Variants in EXOC5 observed in about 807,000 individuals in gnomAD.
The protein encoded by EXOC5 is exocyst complex component 5.
A neutral mutation model predicts 90.8 loss-of-function variants in EXOC5; 17 were observed. That is an observed-to-expected ratio of 0.19 (90% confidence interval 0.13 to 0.28). The LOEUF (loss-of-function observed/expected upper bound fraction) is 0.28, where lower values mean the gene tolerates loss of function less well. Ranked by LOEUF, EXOC5 falls within the 10% of genes least tolerant of loss-of-function variation. The pLI is 1.00. For missense variants in EXOC5, 569 were observed against 830.6 expected, an observed-to-expected ratio of 0.69 and a Z score of 3.87; for synonymous variants, 260 against 270.0, an observed-to-expected ratio of 0.96 and a Z score of 0.36.
At chr14:57,262,579 T>TAC (rs1491159364) in intron 1 of EXOC5, among the ~76,000 whole-genome samples, 20 of 147,328 alleles carry the variant, frequency 1.4e-4, no homozygotes, top group African/African-American at 5.0e-4. Context: ...TATATATACG[T>TAC]ATATATATAC....
At position 57,268,750 on chromosome 14, in the gene EXOC5, C is replaced by A; in HGVS notation, c.-102G>T. Reference sequence around the variant, plus strand: ...CAGGTCTCCGCTCGGCTCGCCAGCTCCGGCTCCGGGCCGCTGCGGGCTCCC... The same window carrying A: ...CAGGTCTCCGCTCGGCTCGCCAGCTACGGCTCCGGGCCGCTGCGGGCTCCC... On this transcript the variant is annotated 5_prime_UTR_variant, in exon 1 of 18. The change creates a premature stop within an existing upstream ORF in the 5' untranslated region. Transcript: ENST00000621441. The A allele has an allele frequency of 6.8e-7, 1 of 1,479,808 alleles. No individual in the cohort carries two copies. Among genetic ancestry groups the A allele is most frequent in the South Asian group, 1.3e-5 (1 of 77,050 alleles). 91.7% of individuals were successfully genotyped at this position (1,479,808 alleles called of 1,614,324 possible). A position where few individuals can be genotyped will look rare whatever the true frequency, so the allele number is the denominator to read the frequency against.
At position 57,202,380 on chromosome 14, in the gene EXOC5, A is replaced by G. The variant is rs1226383565; in HGVS notation, c.*6229T>C. On this transcript the variant is annotated 3_prime_UTR_variant, in exon 18 of 18. Coordinates refer to ENST00000621441, the MANE Select transcript of EXOC5 (RefSeq NM_006544.4). ...AGATAGTAGTAATATGTCAATGTTA[A>G]CTTCCCAATTTTCATGTATTGTAGT... The G allele has an allele frequency of 3.9e-5, 6 of 152,190 alleles. No homozygotes were observed. The highest frequency in any genetic ancestry group is 3.9e-4 in the Admixed American group (6 of 15,282). The allele number at this position is 152,190 out of a possible 1,614,324, so 9.4% of individuals were successfully genotyped here. A position where few individuals can be genotyped will look rare whatever the true frequency, so the allele number is the denominator to read the frequency against.
rs1180488587 is a variant in EXOC5, at chr14:57,200,571, T to C, written c.*8038A>G. 1 of 152,090 alleles carries C rather than the reference T, an allele frequency of 6.6e-6. No homozygotes were observed. Among genetic ancestry groups the C allele is most frequent in the Non-Finnish European group, 1.5e-5 (1 of 68,018 alleles). The allele number at this position is 152,090 out of a possible 1,614,324, so 9.4% of individuals were successfully genotyped here. ...TGGTATTCAGTGCTTAATGGTCAGG[T>C]TTCCATTCATACAGTTTCTCTGATG... On this transcript the variant is annotated 3_prime_UTR_variant, in exon 18 of 18. Coordinates refer to ENST00000621441, the MANE Select transcript of EXOC5 (RefSeq NM_006544.4).
At position 57,200,773 on chromosome 14, in the gene EXOC5, A is replaced by C. The variant is rs1007315191; in HGVS notation, c.*7836T>G. On this transcript the variant is annotated 3_prime_UTR_variant, in exon 18 of 18. Coordinates refer to ENST00000621441, the MANE Select transcript of EXOC5 (RefSeq NM_006544.4). ...TCACTACATTAAAAAAAAAAAAAAA[A>C]AACTTCCACCAAAAATATAGTTGTT... 6.6e-5 allele frequency: 10 copies of C among 151,840 alleles called. No individual in the cohort carries two copies. Among genetic ancestry groups the C allele is most frequent in the Non-Finnish European group, 1.2e-4 (8 of 67,990 alleles). The allele number at this position is 151,840 out of a possible 1,614,324, so 9.4% of individuals were successfully genotyped here. A position where few individuals can be genotyped will look rare whatever the true frequency, so the allele number is the denominator to read the frequency against.
intron 4 of EXOC5, among the ~76,000 whole-genome samples, chr14:57,241,989 C>G (rs1187916653): frequency 6.6e-6 from 1 of 151,470 alleles, no homozygotes; most frequent in Non-Finnish European, 1.5e-5. Context: ...AAAAATTAGC[C>G]GGGTATGGTG....
rs1882591888 is a variant in EXOC5 at position 57,204,533 on chromosome 14, T to C, written c.*4076A>G. The stretch of plus-strand genomic sequence containing the variant: ...TAACACAATTGGCAAGCCTATGACA[T>C]TTAAAATAGTTTTTGAACATAAAAA... On this transcript the variant is annotated 3_prime_UTR_variant, in exon 18 of 18. Coordinates refer to ENST00000621441, the MANE Select transcript of EXOC5 (RefSeq NM_006544.4). The C allele has an allele frequency of 1.3e-5, 2 of 152,456 alleles. No individual in the cohort carries two copies. Among genetic ancestry groups the C allele is most frequent in the African/African-American group, 2.4e-5 (1 of 41,460 alleles). The allele number at this position is 152,456 out of a possible 1,614,324, so 9.4% of individuals were successfully genotyped here.
intron 12 of EXOC5, among the ~76,000 whole-genome samples, chr14:57,225,742 G>A (rs1412381952): frequency 1.3e-5 from 2 of 152,170 alleles, no homozygotes; most frequent in Non-Finnish European, 2.9e-5. Context: ...AGGAGGTCCC[G>A]CCAACACATG....
At chr14:57,233,626 T>C (rs953580398) in intron 9 of EXOC5, 117 bp downstream of exon 9, 1 of 634,068 alleles carries the variant, frequency 1.6e-6, no homozygotes, top group African/African-American at 1.8e-5. Context: ...CTTAACTAGA[T>C]TACTATTTCT....
chr14:57,215,027 C>T (rs755439542), intron 15 of EXOC5, among the ~76,000 whole-genome samples: 14 of 152,010 alleles, frequency 9.2e-5, no homozygotes, highest in Non-Finnish European at 2.1e-4. Context: ...GTCAGGAGTT[C>T]AAGACCAGTC....
rs1430079252 is a variant in EXOC5 at position 57,203,873 on chromosome 14, T to C, written c.*4736A>G. The C allele has an allele frequency of 1.3e-5, 2 of 152,642 alleles. No individual in the cohort carries two copies. The highest frequency in any genetic ancestry group is 2.9e-5 in the Non-Finnish European group (2 of 68,024). 9.5% of individuals were successfully genotyped at this position (152,642 alleles called of 1,614,324 possible). ...AAAATACATGTTATCAGCAGCATGATGTTGACCATGTTCTAATCCATTCCA... is the reference window on the plus strand; with the variant it reads ...AAAATACATGTTATCAGCAGCATGACGTTGACCATGTTCTAATCCATTCCA... On this transcript the variant is annotated 3_prime_UTR_variant, in exon 18 of 18. Coordinates refer to ENST00000621441, the MANE Select transcript of EXOC5 (RefSeq NM_006544.4).
chr14:57,217,213 T>C (rs1883001424), intron 15 of EXOC5, among the ~76,000 whole-genome samples: 2 of 152,140 alleles, frequency 1.3e-5, no homozygotes, highest in Non-Finnish European at 2.9e-5. Context: ...CTCAAAAACT[T>C]AAAAACAGAG....
At position 57,203,497 on chromosome 14, in the gene EXOC5, C is replaced by G. The variant is rs1426694867; in HGVS notation, c.*5112G>C. 6.6e-6 allele frequency: 1 copy of G among 152,588 alleles called. No individual in the cohort carries two copies. Among genetic ancestry groups the G allele is most frequent in the East Asian group, 1.9e-4 (1 of 5,194 alleles). 9.5% of individuals were successfully genotyped at this position (152,588 alleles called of 1,614,324 possible). ...AAAGATAACTGGAAGGGATACGACA[C>G]TTTCTTCATTTAAGATTCCCAGTGG... On this transcript the variant is annotated 3_prime_UTR_variant, in exon 18 of 18. Transcript: ENST00000621441.
chr14:57,210,138 T>C (rs2139606551), intron 15 of EXOC5, 77 bp from the exon 16 acceptor site: 1 of 654,164 alleles, frequency 1.5e-6, no homozygotes, highest in Middle Eastern at 3.3e-4. Flanking sequence ...TTATTTATGC[T>C]AAATTAAATC....
At chr14:57,210,149 A>G (rs904574486) in intron 15 of EXOC5, 88 bp from the exon 16 acceptor site, 7 of 625,524 alleles carry the variant, frequency 1.1e-5, no homozygotes, top group African/African-American at 1.1e-4. Flanking sequence ...AAATTAAATC[A>G]GTTATTTAAT....
rs1165246314 is a variant in EXOC5 at position 57,201,452 on chromosome 14, ATACACACGCGTGTATATG to A, written c.*7139_*7156del. ...TATACACACACACACGTGTGTATAT[ATACACACGCGTGTATATG>A]TACACACACGTGTATAAACACACGT... On this transcript the variant is annotated 3_prime_UTR_variant, in exon 18 of 18. Coordinates refer to ENST00000621441, the MANE Select transcript of EXOC5 (RefSeq NM_006544.4). 953 of 149,174 alleles carry A rather than the reference ATACACACGCGTGTATATG, an allele frequency of 6.4e-3. 12 individuals carry two copies. Among genetic ancestry groups the A allele is most frequent in the African/African-American group, 0.022 (890 of 40,572 alleles). The allele number at this position is 149,174 out of a possible 1,614,324, so 9.2% of individuals were successfully genotyped here.
rs1427000806 is a variant in EXOC5, at chr14:57,222,407, G to C, written c.1306C>G (p.Pro436Ala). ...AAGGCATTCCTTGGTAAGTCAGAAG[G>C]ATCAGAGAGCTTAAAAACAAAAATC... ...AFERCHRLSDPSDLPRNAFRI... is the reference protein window; with the variant it reads ...AFERCHRLSDASDLPRNAFRI... The change falls in exon 13 of 18, where the codon CCT becomes GCT. Residue 436 changes from proline to alanine, a missense_variant. By Grantham distance (27) the Pro-to-Ala change is conservative. This residue lies in a region of EXOC5 where 56 missense variants were observed against 51.1 expected (regional missense o/e 1.10). Coordinates refer to ENST00000621441, the MANE Select transcript of EXOC5 (RefSeq NM_006544.4). 6.3e-7 allele frequency: 1 copy of C among 1,579,502 alleles called. No homozygotes were observed. Among genetic ancestry groups the C allele is most frequent in the Admixed American group, 1.8e-5 (1 of 55,846 alleles).
At chr14:57,225,552 AAT>A (rs1883279923) in intron 12 of EXOC5, among the ~76,000 whole-genome samples, 1 of 151,558 alleles carries the variant, frequency 6.6e-6, no homozygotes, top group Non-Finnish European at 1.5e-5. Context: ...ATGGGCTGAT[AAT>A]ATGATAATCT....
At chr14:57,209,835 A>C in intron 16 of EXOC5, 53 bp from the exon 17 acceptor site, 1 of 1,349,682 alleles carries the variant, frequency 7.4e-7, no homozygotes, top group Middle Eastern at 1.8e-4. Flanking sequence ...AGCTTAGCTA[A>C]AGAGGAAATA....
intron 11 of EXOC5, among the ~76,000 whole-genome samples, chr14:57,230,539 C>T (rs1304476080): frequency 6.6e-6 from 1 of 152,084 alleles, no homozygotes. Context: ...AATTTTAACT[C>T]TCTCTAATCA....
Sources: gnomAD v4.1 joint callset for allele counts (sites outside exome capture counted in the v4.1 genomes callset) on GRCh38, gnomAD v4.1.1 for gene constraint, gnomAD v4.1.1 regional missense constraint, MANE v1.5 for transcripts, NCBI Gene and HGNC (gene_info 2026-07-23, HGNC 2026-07-21) for gene names.